LGSN: variants seen among roughly 807,000 people sequenced by gnomAD.
LGSN encodes the protein lengsin, lens protein with glutamine synthetase domain.
Under a neutral mutation model 19.5 loss-of-function variants are expected in LGSN, and 21 were observed. The ratio of observed to expected loss-of-function variants is 1.07; its 90% CI spans 0.76 to 1.55. The LOEUF is 1.55. Ranked by LOEUF, LGSN falls within the 40% of genes most tolerant of loss-of-function variation. LGSN has a pLI of 0.00. For synonymous variants in LGSN, 257 were observed against 215.6 expected, an observed-to-expected ratio of 1.19 and a Z score of -1.68; for missense variants, 673 against 608.5, an observed-to-expected ratio of 1.11 and a Z score of -1.12.
At chr6:63,376,582 A>C in the LGSN span, among the ~76,000 whole-genome samples, 1 of 152,182 alleles carries the variant, frequency 6.6e-6, no homozygotes, top group Non-Finnish European at 1.5e-5. Flanking sequence ...GCCTTTTCTG[A>C]GCTTCTAGAA....
At chr6:63,331,451 C>T in the LGSN span, among the ~76,000 whole-genome samples, 1 of 152,126 alleles carries the variant, frequency 6.6e-6, no homozygotes, top group Non-Finnish European at 1.5e-5. Context: ...GTTTGTGGGT[C>T]AAATTGGTCC....
chr6:63,290,761 C>T (rs1371314470), intron 2 of LGSN, among the ~76,000 whole-genome samples: 2 of 152,182 alleles, frequency 1.3e-5, no homozygotes, highest in Admixed American at 6.5e-5. Flanking sequence ...GTCATTTTAG[C>T]ACAAAAGCAG....
At chr6:63,555,082 T>C in the LGSN span, among the ~76,000 whole-genome samples, 1 of 152,226 alleles carries the variant, frequency 6.6e-6, no homozygotes, top group East Asian at 1.9e-4. Flanking sequence ...CATACCTCCA[T>C]TTCTTTTCAT....
At chr6:63,528,593 TG>T in the LGSN span, among the ~76,000 whole-genome samples, 5 of 151,378 alleles carry the variant, frequency 3.3e-5, no homozygotes, top group Non-Finnish European at 7.4e-5. Flanking sequence ...TAGCCAGCCA[TG>T]AAAAACTAGC....
chr6:63,442,780 T>C, the LGSN span, among the ~76,000 whole-genome samples: 3 of 152,286 alleles, frequency 2.0e-5, no homozygotes, highest in Admixed American at 6.5e-5. Context: ...GAGTGCTGAT[T>C]GGTGCATCCA....
chr6:63,452,141 G>A, the LGSN span, among the ~76,000 whole-genome samples: 7 of 150,794 alleles, frequency 4.6e-5, no homozygotes, highest in South Asian at 4.2e-4. Flanking sequence ...TTTATTTTCC[G>A]GAAGAGTTTG....
At chr6:63,416,086 C>G in the LGSN span, among the ~76,000 whole-genome samples, 143 of 150,208 alleles carry the variant, frequency 9.5e-4, 2 homozygotes, top group African/African-American at 3.3e-3. Flanking sequence ...CAGATTTCAT[C>G]TTTCCCTTCC....
At chr6:63,522,502 G>GCTT in the LGSN span, among the ~76,000 whole-genome samples, 2 of 152,186 alleles carry the variant, frequency 1.3e-5, no homozygotes, top group Non-Finnish European at 2.9e-5. Context: ...CTGTATCCAT[G>GCTT]ACAAGCTTTA....
chr6:63,509,717 C>G, the LGSN span, among the ~76,000 whole-genome samples: 2 of 152,158 alleles, frequency 1.3e-5, no homozygotes, highest in South Asian at 4.1e-4. Context: ...TACGTTATAA[C>G]AGTAAAATTT....
the LGSN span, among the ~76,000 whole-genome samples, chr6:63,534,348 G>A: frequency 2.0e-5 from 3 of 152,006 alleles, no homozygotes; most frequent in Non-Finnish European, 4.4e-5. Flanking sequence ...TAAGTTAGGA[G>A]CAATGGTTCT....
chr6:63,295,264 T>TACA (rs1767940803), intron 1 of LGSN, among the ~76,000 whole-genome samples: 1 of 152,220 alleles, frequency 6.6e-6, no homozygotes, highest in Non-Finnish European at 1.5e-5. Flanking sequence ...TCCTTTTATA[T>TACA]GTGATACAGA....
upstream of LGSN, among the ~76,000 whole-genome samples, chr6:63,324,533 C>G (rs1032793558): frequency 1.3e-5 from 2 of 152,086 alleles, no homozygotes; most frequent in Non-Finnish European, 2.9e-5. Context: ...CAAGTCTAAA[C>G]AAACTTTTAA....
rs1057109766 is a variant in LGSN, at chr6:63,280,475, A to G, written c.1076T>C (p.Met359Thr). The change falls in exon 4 of 4, where the codon ATG (methionine) becomes ACG (threonine). Residue 359 changes from methionine to threonine, a missense_variant. Physicochemically the swap from Met to Thr is moderately conservative, Grantham distance 81. Coordinates refer to ENST00000370657, the MANE Select transcript of LGSN (RefSeq NM_016571.3). ...LKHSAALSCL[M>T]APSVSCRKRY... ...CTTTCGGCAGCTAACAGAAGGCGCC[A>G]TCAGGCAGCTGAGCGCAGCAGAGTG... The G allele has an allele frequency of 1.2e-6, 2 of 1,614,170 alleles. No individual in the cohort carries two copies. The highest frequency in any genetic ancestry group is 1.7e-6 in the Non-Finnish European group (2 of 1,180,046).
At chr6:63,510,646 C>T in the LGSN span, among the ~76,000 whole-genome samples, 1 of 146,216 alleles carries the variant, frequency 6.8e-6, no homozygotes, top group Non-Finnish European at 1.5e-5. Flanking sequence ...ATGTTCTCTT[C>T]CTTCAAGAAG....
the LGSN span, among the ~76,000 whole-genome samples, chr6:63,330,501 C>T: frequency 2.0e-5 from 3 of 152,194 alleles, no homozygotes; most frequent in Non-Finnish European, 4.4e-5. Context: ...CTTTTAGAAT[C>T]AATTGACCCT....
At chr6:63,508,197 A>G in the LGSN span, among the ~76,000 whole-genome samples, 217 of 152,362 alleles carry the variant, frequency 1.4e-3, 1 homozygote, top group African/African-American at 4.8e-3. Flanking sequence ...TTTTGTACCT[A>G]CTTAGGAGGT....
the LGSN span, among the ~76,000 whole-genome samples, chr6:63,442,360 C>T: frequency 3.3e-5 from 5 of 152,190 alleles, no homozygotes; most frequent in South Asian, 2.1e-4. Context: ...GCTGCTAGCT[C>T]GGGCAGCCTG....
chr6:63,484,119 A>G, the LGSN span, among the ~76,000 whole-genome samples: 320 of 152,250 alleles, frequency 2.1e-3, 5 homozygotes, highest in Non-Finnish European at 2.2e-4. Context: ...GCACCACTGC[A>G]CTCCAGCCTA....
At chr6:63,492,107 C>T in the LGSN span, among the ~76,000 whole-genome samples, 1 of 152,078 alleles carries the variant, frequency 6.6e-6, no homozygotes, top group Non-Finnish European at 1.5e-5. Context: ...ATCATTTTCA[C>T]AACTTTTTCC....
Sources: allele counts gnomAD v4.1 joint callset (sites outside exome capture counted in the v4.1 genomes callset), GRCh38; gene constraint gnomAD v4.1.1; transcripts MANE v1.5; gene names NCBI Gene and HGNC (gene_info 2026-07-23, HGNC 2026-07-21).